The following SDK2 variants were observed in gnomAD, a reference collection of about 807,000 sequenced individuals.
The protein encoded by SDK2 is protein sidekick-2.
A neutral mutation model predicts 253.9 loss-of-function variants in SDK2; 105 were observed. That is an observed-to-expected ratio of 0.41 (90% CI 0.35 to 0.49). The LOEUF is 0.49. SDK2 is among the 20% of genes least tolerant of loss of function. The pLI is 0.06. For synonymous variants in SDK2, 1,249 were observed against 1,234.9 expected, an observed-to-expected ratio of 1.01 and a Z score of -0.24; for missense variants, 2,608 against 3,003.0, an observed-to-expected ratio of 0.87 and a Z score of 3.07.
At chr17:73,635,929 G>C (rs1379225709) in intron 1 of SDK2, among the ~76,000 whole-genome samples, 5 of 152,202 alleles carry the variant, frequency 3.3e-5, no homozygotes, top group Non-Finnish European at 7.3e-5. Flanking sequence ...GACACAGCCA[G>C]GGTGGAGGCA....
chr17:73,379,186 C>T lies in SDK2; in HGVS notation c.4971G>A (p.Gln1657=). ...PPLDSQNGDI[Q]GYKIYFWEAQ... ...CCCGAGGGCACCCTACCTTGTACCC[C>T]TGGATGTCTCCATTCTGGCTGTCCA... Residue 1657 remains glutamine, a synonymous_variant, in exon 36 of 45, where the codon CAG becomes CAA. Transcript: ENST00000392650. The surrounding 1 kb of genome is among the most constrained non-coding windows in gnomAD (Gnocchi z 4.5). 6.4e-7 allele frequency: 1 copy of T among 1,556,546 alleles called. No individual in the cohort carries two copies.
chr17:73,446,530 A>C (rs143558032), intron 5 of SDK2, among the ~76,000 whole-genome samples: 233 of 152,278 alleles, frequency 1.5e-3, no homozygotes, highest in African/African-American at 5.0e-3. Context: ...AAGGCCCTGG[A>C]ATGGGGATGG....
chr17:73,340,335 AGTCACTCCCTATCTCTGCCCCTACCG>A (rs1485674795), intron 44 of SDK2, among the ~76,000 whole-genome samples: 7 of 152,220 alleles, frequency 4.6e-5, no homozygotes, highest in South Asian at 2.1e-4. Flanking sequence ...CCCAGGAAGC[AGTCACTCCCTATCTCTGCCCCTACCG>A]GTCACTCCCT....
intron 1 of SDK2, among the ~76,000 whole-genome samples, chr17:73,605,619 G>C (rs1171365491): frequency 6.6e-6 from 1 of 152,124 alleles, no homozygotes; most frequent in Non-Finnish European, 1.5e-5. Flanking sequence ...CCTCCTCCAG[G>C]AAGGCCTCCT....
intron 12 of SDK2, among the ~76,000 whole-genome samples, chr17:73,427,946 A>G (rs960512746): frequency 6.6e-6 from 1 of 152,236 alleles, no homozygotes; most frequent in Admixed American, 6.5e-5. Flanking sequence ...TTTGTAAACG[A>G]TATCTTTGAT....
At position 73,387,949 on chromosome 17, in the gene SDK2, G is replaced by T; in HGVS notation, c.4281C>A (p.Asp1427Glu). The T allele has an allele frequency of 3.2e-6, 5 of 1,576,708 alleles. No individual in the cohort carries two copies. Among genetic ancestry groups the T allele is most frequent in the Non-Finnish European group, 4.3e-6 (5 of 1,162,020 alleles). The change falls in exon 30 of 45, where the codon GAC becomes GAA. Residue 1427 changes from aspartate (D) to glutamate (E), a missense_variant. By Grantham distance (45) the Asp-to-Glu change is conservative (BLOSUM62 2). Transcript: ENST00000392650. ...TGTAGTAGCGCACAGGGGAGAGCCC[G>T]TCGCTCCCTGGCTCCCAGGACAGCA... ...SVLLSWEPGS[D>E]GLSPVRYYTI... is the part of the protein sequence containing the mutation.
At chr17:73,537,322 A>C (rs1263899759) in intron 1 of SDK2, among the ~76,000 whole-genome samples, 2 of 152,156 alleles carry the variant, frequency 1.3e-5, no homozygotes, top group Non-Finnish European at 2.9e-5. Context: ...CCATCAAAGC[A>C]GATTTCCAAT....
chr17:73,574,403 C>A (rs1048155562), intron 1 of SDK2, among the ~76,000 whole-genome samples: 2 of 132,848 alleles, frequency 1.5e-5, no homozygotes, highest in Non-Finnish European at 3.4e-5. Flanking sequence ...CTGATCACAG[C>A]TGACATCACG....
chr17:73,365,440 G>T, intron 37 of SDK2, 45 bp from the exon 38 acceptor site: 1 of 1,544,152 alleles, frequency 6.5e-7, no homozygotes, highest in Non-Finnish European at 8.7e-7. Context: ...TTCTGTGGAA[G>T]TTCAAAGCCT....
At chr17:73,484,105 C>T (rs1005193532) in intron 2 of SDK2, among the ~76,000 whole-genome samples, 5 of 152,180 alleles carry the variant, frequency 3.3e-5, no homozygotes, top group African/African-American at 9.7e-5. Flanking sequence ...CCCGCTCCTC[C>T]GGCTCGGGGA....
Position 73,405,625 on chromosome 17 carries a change from C to T in SDK2, c.2485-3484G>A, listed in dbSNP as rs190535771. Reference sequence around the variant, plus strand: ...ATTGGTATTCATGTGGGATTGGTTCCAGGACCGCCCGCAGATACCAAAAGC... The same window carrying T: ...ATTGGTATTCATGTGGGATTGGTTCTAGGACCGCCCGCAGATACCAAAAGC... On this transcript the variant is annotated intron_variant, in intron 18 of 44. Coordinates refer to ENST00000392650, the MANE Select transcript of SDK2 (RefSeq NM_001144952.2). 1.5e-3 allele frequency among the ~76,000 whole-genome samples: 218 copies of T among 150,074 alleles called. 1 individual carries two copies. The highest frequency in any genetic ancestry group is 1.9e-3 in the Non-Finnish European group (129 of 67,506).
At chr17:73,636,821 G>T (rs9899911) in intron 1 of SDK2, among the ~76,000 whole-genome samples, 44,898 of 151,840 alleles carry the variant, frequency 0.3, 6,869 homozygotes, top group South Asian at 0.36. Context: ...ATTTGGAGGG[G>T]CAAGCACAGA....
chr17:73,401,846 C>T (rs905735628), intron 19 of SDK2, 94 bp from the exon 20 acceptor site: 420 of 1,412,926 alleles, frequency 3.0e-4, no homozygotes, highest in Non-Finnish European at 3.8e-4. Flanking sequence ...CTGGGGGTAT[C>T]TCAGCCTGGG....
Position 73,511,319 on chromosome 17 carries a change from C to A in SDK2, c.65-3722G>T, listed in dbSNP as rs566318083. Among the ~76,000 whole-genome samples, 1 of 152,332 alleles carries A rather than the reference C, an allele frequency of 6.6e-6. No homozygotes were observed. Among genetic ancestry groups the A allele is most frequent in the Admixed American group, 6.5e-5 (1 of 15,312 alleles). ...GCTGGGCAGTGTGTGTATCTGCATGCACACATGTGCATATGTGTGAGCACA... is the reference window on the plus strand; with the variant it reads ...GCTGGGCAGTGTGTGTATCTGCATGAACACATGTGCATATGTGTGAGCACA... On this transcript the variant is annotated intron_variant, in intron 1 of 44. Coordinates refer to ENST00000392650, the MANE Select transcript of SDK2 (RefSeq NM_001144952.2). This position sits in a 1 kb window ranked among gnomAD's most constrained non-coding sequence, Gnocchi z 4.9.
chr17:73,467,745 T>G lies in SDK2; in HGVS notation c.331+4367A>C, dbSNP rs1397672087. Among the ~76,000 whole-genome samples, 2 of 152,214 alleles carry G rather than the reference T, an allele frequency of 1.3e-5. No individual in the cohort carries two copies. Among genetic ancestry groups the G allele is most frequent in the African/African-American group, 4.8e-5 (2 of 41,452 alleles). ...GGTCGGAAGGACTTCCTAGGGCTTT[T>G]CTAACTTCCTGGCTTTAGGGCCCAA... is the stretch of plus-strand genomic sequence containing the variant. On this transcript the variant is annotated intron_variant, in intron 3 of 44. Coordinates refer to ENST00000392650, the MANE Select transcript of SDK2 (RefSeq NM_001144952.2). This position sits in a 1 kb window ranked among gnomAD's most constrained non-coding sequence, Gnocchi z 4.1.
rs1358114951 is a variant in SDK2 at position 73,455,931 on chromosome 17, G to C, written c.454C>G (p.Arg152Gly). 3.2e-6 allele frequency: 5 copies of C among 1,545,234 alleles called. No individual in the cohort carries two copies. Among genetic ancestry groups the C allele is most frequent in the Non-Finnish European group, 4.4e-6 (5 of 1,146,196 alleles). Residue 152 changes from arginine (R) to glycine (G), a missense_variant, in exon 4 of 45, where the codon CGC becomes GGC. Around this residue, in one of 2 missense-constraint regions of SDK2, gnomAD observed 1,505 missense variants for 1,859.1 expected, o/e 0.81. Transcript: ENST00000392650. The surrounding 1 kb of genome is among the most constrained non-coding windows in gnomAD (Gnocchi z 5.0). ...ATGCGGCTGCTGGGCGGGATCTTGCGGCCGTCCCGGAACCAGGTCACCTGT... is the reference window on the plus strand; with the variant it reads ...ATGCGGCTGCTGGGCGGGATCTTGCCGCCGTCCCGGAACCAGGTCACCTGT... ...QPQVTWFRDG[R>G]KIPPSSRIAI... is the part of the protein sequence containing the mutation.
chr17:73,337,053 A>ATG lies in SDK2; in HGVS notation c.*1532_*1533dup, dbSNP rs3079765. 44,880 of 148,676 alleles carry ATG rather than the reference A, an allele frequency of 0.3. 6,636 individuals carry two copies. The highest frequency in any genetic ancestry group is 0.37 in the South Asian group (1,716 of 4,644). 9.2% of individuals were successfully genotyped at this position (148,676 alleles called of 1,614,324 possible). ...TCCTTGGAGCAGATTGTGTATGTGTATGTGTGTGTGTGTGTGTGTGTGTGT... is the reference window on the plus strand; with the variant it reads ...TCCTTGGAGCAGATTGTGTATGTGTATGTGTGTGTGTGTGTGTGTGTGTGTGT... On this transcript the variant is annotated 3_prime_UTR_variant, in exon 45 of 45. Transcript: ENST00000392650.
intron 38 of SDK2, among the ~76,000 whole-genome samples, chr17:73,363,414 G>T (rs923527672): frequency 6.6e-6 from 1 of 152,206 alleles, no homozygotes; most frequent in Non-Finnish European, 1.5e-5. Context: ...GCTCAGAGGG[G>T]CTTCCTGAAA....
chr17:73,499,783 T>TGACGGCAG, intron 2 of SDK2, among the ~76,000 whole-genome samples: 1 of 152,190 alleles, frequency 6.6e-6, no homozygotes, highest in South Asian at 2.1e-4. Context: ...TGTTGTGAGA[T>TGACGGCAG]GACGGCAGTA....
Sources: gnomAD v4.1 joint callset for allele counts (sites outside exome capture counted in the v4.1 genomes callset) on GRCh38, gnomAD v4.1.1 for gene constraint, gnomAD v4.1.1 regional missense constraint, Gnocchi (gnomAD v3.1) non-coding constraint, MANE v1.5 for transcripts, NCBI Gene and HGNC (gene_info 2026-07-23, HGNC 2026-07-21) for gene names.